Variants in PTPRN2 observed in about 807,000 individuals in gnomAD.
The protein encoded by PTPRN2 is receptor-type tyrosine-protein phosphatase N2.
In PTPRN2, 74 loss-of-function variants were observed where a neutral mutation model predicts 118.8. The observed-to-expected ratio is 0.62, with a 90% CI of 0.52 to 0.76. The LOEUF is 0.76. Among genes scored for constraint, PTPRN2 ranks in the 30% least tolerant of loss-of-function variants. The probability of loss-of-function intolerance (pLI) is 0.00; values close to 1 mark genes in which losing one functional copy is unlikely to be tolerated. For missense variants in PTPRN2, 1,481 were observed against 1,394.4 expected (o/e 1.06, Z -0.99); for synonymous variants, 641 against 608.0 (o/e 1.05, Z -0.80).
chr7:157,830,034 C>A (rs113627193), intron 12 of PTPRN2, among the ~76,000 whole-genome samples: 3 of 152,160 alleles, frequency 2.0e-5, no homozygotes, highest in Non-Finnish European at 2.9e-5. Context: ...CTCTCTCCCC[C>A]GTGTTACCAC....
intron 11 of PTPRN2, among the ~76,000 whole-genome samples, chr7:157,993,367 A>G (rs1468362306): frequency 1.3e-5 from 2 of 150,600 alleles, no homozygotes; most frequent in African/African-American, 2.4e-5. Flanking sequence ...GAGCCTCCGC[A>G]AAAAAAGACC....
intron 12 of PTPRN2, among the ~76,000 whole-genome samples, chr7:157,884,961 G>A (rs976796602): frequency 6.6e-6 from 1 of 152,160 alleles, no homozygotes; most frequent in Non-Finnish European, 1.5e-5. Flanking sequence ...TGATTGACCC[G>A]TTTCTCTGGG....
chr7:158,048,722 TCAC>T (rs1466447414), intron 11 of PTPRN2, among the ~76,000 whole-genome samples: 11 of 151,270 alleles, frequency 7.3e-5, no homozygotes, highest in Non-Finnish European at 1.0e-4. Flanking sequence ...CACCATCATA[TCAC>T]CACCATCACC....
At chr7:158,135,580 C>G (rs6967448) in intron 8 of PTPRN2, among the ~76,000 whole-genome samples, 51,430 of 151,992 alleles carry the variant, frequency 0.34, 8,928 homozygotes, top group East Asian at 0.5. Context: ...GGATGAAAAG[C>G]CTGTGGTCTA....
At chr7:157,704,332 T>C (rs956667629) in intron 12 of PTPRN2, among the ~76,000 whole-genome samples, 1 of 152,192 alleles carries the variant, frequency 6.6e-6, no homozygotes, top group Admixed American at 6.5e-5. Context: ...TACTTTTTAT[T>C]ACCATCTTGA....
In PTPRN2 at chr7:157,671,437, G is replaced by C. The variant is rs758845124; in HGVS notation, c.2001+11288C>G. ...GGCCCTGGTGTTCGGGATGGGACGG[G>C]CCACCCCGGGCTGAGATGGAAGCTC... On this transcript the variant is annotated intron_variant, in intron 13 of 22. Coordinates refer to ENST00000389418, the MANE Select transcript of PTPRN2 (RefSeq NM_002847.5). The surrounding 1 kb of genome is among the most constrained non-coding windows in gnomAD (Gnocchi z 4.1). 6.6e-5 allele frequency among the ~76,000 whole-genome samples: 10 copies of C among 152,186 alleles called. No individual in the cohort carries two copies. Among genetic ancestry groups the C allele is most frequent in the Admixed American group, 6.5e-5 (1 of 15,288 alleles).
At chr7:158,537,463 C>T (rs1469915079) in intron 1 of PTPRN2, 4 of 152,264 alleles carry the variant, frequency 2.6e-5, no homozygotes, top group South Asian at 2.1e-4. Context: ...CGGGGGCTGT[C>T]GCCAGGGAGG....
intron 12 of PTPRN2, among the ~76,000 whole-genome samples, chr7:157,718,539 C>T (rs1290362306): frequency 2.0e-5 from 3 of 152,072 alleles, no homozygotes; most frequent in Admixed American, 6.6e-5. Context: ...CATGTCCAGG[C>T]GTCTGAGGTG....
intron 13 of PTPRN2, chr7:157,669,435 A>ACG (rs1430387173): frequency 2.2e-6 from 1 of 456,034 alleles, no homozygotes; most frequent in South Asian, 1.6e-5. Flanking sequence ...GCACACACAC[A>ACG]CACACCCAGG....
intron 2 of PTPRN2, among the ~76,000 whole-genome samples, chr7:158,460,722 C>T (rs1563321408): frequency 6.6e-6 from 1 of 150,692 alleles, no homozygotes; most frequent in Admixed American, 6.7e-5. Flanking sequence ...TGCACGGTCC[C>T]ATGGGAAAGT....
chr7:157,909,386 TG>T (rs546979204), intron 11 of PTPRN2, among the ~76,000 whole-genome samples: 54 of 150,394 alleles, frequency 3.6e-4, no homozygotes, highest in South Asian at 2.5e-3. Flanking sequence ...CTCTATACAC[TG>T]GGGGGGGGAG....
chr7:157,552,647 TA>T (rs1164492007), intron 21 of PTPRN2, among the ~76,000 whole-genome samples: 2 of 152,226 alleles, frequency 1.3e-5, no homozygotes, highest in African/African-American at 2.4e-5. Context: ...CTTGTGTAAT[TA>T]AAAACGTAAG....
At chr7:158,067,725 G>A (rs1810883459) in intron 11 of PTPRN2, among the ~76,000 whole-genome samples, 1 of 152,166 alleles carries the variant, frequency 6.6e-6, no homozygotes, top group South Asian at 2.1e-4. Flanking sequence ...GAGTGAGTGA[G>A]TGAGCACTGT....
chr7:158,291,024 G>A (rs1243250327), intron 3 of PTPRN2, among the ~76,000 whole-genome samples: 1 of 152,204 alleles, frequency 6.6e-6, no homozygotes, highest in Non-Finnish European at 1.5e-5. Context: ...GGAGGAGGAG[G>A]TCTGCTGAGC....
chr7:157,835,190 G>T (rs143784492), intron 12 of PTPRN2, among the ~76,000 whole-genome samples: 235 of 152,284 alleles, frequency 1.5e-3, no homozygotes, highest in Non-Finnish European at 2.4e-3. Flanking sequence ...ATTTCCTAAG[G>T]TGGCTGGAAG....
intron 2 of PTPRN2, among the ~76,000 whole-genome samples, chr7:158,321,538 A>G (rs1304265787): frequency 7.2e-5 from 11 of 152,158 alleles, no homozygotes; most frequent in Non-Finnish European, 5.9e-5. Context: ...GCATCACCGC[A>G]CCGCAGTGGA....
intron 4 of PTPRN2, among the ~76,000 whole-genome samples, chr7:158,194,475 C>A (rs1826051923): frequency 6.6e-6 from 1 of 152,246 alleles, no homozygotes; most frequent in Non-Finnish European, 1.5e-5. Context: ...CCCCTTCCCG[C>A]TGAGAGCCAT....
chr7:157,937,529 G>A (rs555005087), intron 11 of PTPRN2, among the ~76,000 whole-genome samples: 4 of 152,336 alleles, frequency 2.6e-5, no homozygotes, highest in East Asian at 3.9e-4. Flanking sequence ...AGCCGTGTGC[G>A]GTGTGGCTTC....
chr7:157,546,765 T>C lies in PTPRN2; in HGVS notation c.2976+2181A>G, dbSNP rs112473546. On this transcript the variant is annotated intron_variant, in intron 22 of 22. Transcript: ENST00000389418. The stretch of plus-strand genomic sequence containing the variant: ...GAACGGAAGACCTGGCATGTAATGA[T>C]TGTGACTGTGGCTTCCTCTTTCTCT... Among the ~76,000 whole-genome samples, 753 of 152,342 alleles carry C rather than the reference T, an allele frequency of 4.9e-3. 3 individuals are homozygous for C. The highest frequency in any genetic ancestry group is 0.017 in the African/African-American group (708 of 41,570).
Sources: gnomAD v4.1 joint callset for allele counts (sites outside exome capture counted in the v4.1 genomes callset) on GRCh38, gnomAD v4.1.1 for gene constraint, Gnocchi (gnomAD v3.1) non-coding constraint, MANE v1.5 for transcripts, NCBI Gene and HGNC (gene_info 2026-07-23, HGNC 2026-07-21) for gene names.